Variants in ZFHX4 observed in about 807,000 individuals in gnomAD.
ZFHX4 encodes the protein zinc finger homeobox 4, also known as zinc finger homeobox protein 4.
A neutral mutation model predicts 267.6 loss-of-function variants in ZFHX4; 56 were observed. The observed-to-expected ratio is 0.21, with a 90% CI of 0.17 to 0.26. The LOEUF is 0.26. ZFHX4 is among the 10% of genes least tolerant of loss of function. ZFHX4 has a pLI of 1.00. For missense variants in ZFHX4, 4,332 were observed against 4,420.0 expected, an observed-to-expected ratio of 0.98 and a Z score of 0.56; for synonymous variants, 1,778 against 1,665.6, an observed-to-expected ratio of 1.07 and a Z score of -1.64.
chr8:76,764,920 G>C (rs1241934005), intron 3 of ZFHX4, among the ~76,000 whole-genome samples: 1 of 152,146 alleles, frequency 6.6e-6, no homozygotes, highest in Admixed American at 6.6e-5. Flanking sequence ...TAACAACTCT[G>C]TTAACACCTC....
rs1222966556 is a variant in ZFHX4 at position 76,705,423 on chromosome 8, T to G, written c.1335T>G (p.Cys445Trp). 3.7e-6 allele frequency: 6 copies of G among 1,613,694 alleles called. No homozygotes were observed. In the South Asian group the frequency reaches 6.6e-5, roughly 18 times the overall value. The stretch of plus-strand genomic sequence containing the variant: ...AGAGCAAAGACCAAGAGAACAACTG[T>G]GAAAGGCCAAAAGAAAGCAACGTTT... ...MSESKDQENN[C>W]ERPKESNVLH... is the part of the protein sequence containing the mutation. Residue 445 changes from cysteine to tryptophan, a missense_variant, in exon 2 of 11, where the codon TGT (cysteine) becomes TGG (tryptophan). Cys to Trp is a radical substitution (Grantham distance 215). Transcript: ENST00000651372.
rs1808221996 is a variant in ZFHX4 at position 76,705,253 on chromosome 8, T to G, written c.1165T>G (p.Ser389Ala). 6.2e-7 allele frequency: 1 copy of G among 1,613,884 alleles called. No individual in the cohort carries two copies. The highest frequency in any genetic ancestry group is 1.3e-5 in the African/African-American group (1 of 74,924). The change falls in exon 2 of 11, where the codon TCG (serine) becomes GCG (alanine). Residue 389 changes from serine to alanine, a missense_variant. This residue lies in a region of ZFHX4 where 1,195 missense variants were observed against 1,173.6 expected (regional missense o/e 1.02). Coordinates refer to ENST00000651372, the MANE Select transcript of ZFHX4 (RefSeq NM_024721.5). ...FAFLKGSAST[S>A]SSAEQPLGIT... Reference sequence around the variant, plus strand: ...CTTCTTAAAAGGAAGCGCGAGCACCTCGAGCTCAGCAGAGCAGCCGCTGGG... The same window carrying G: ...CTTCTTAAAAGGAAGCGCGAGCACCGCGAGCTCAGCAGAGCAGCCGCTGGG...
chr8:76,852,603 C>T lies in ZFHX4; in HGVS notation c.5682C>T (p.Ser1894=). The change falls in exon 10 of 11, where the codon TCC becomes TCT. Residue 1894 remains serine (S), a synonymous_variant. Coordinates refer to ENST00000651372, the MANE Select transcript of ZFHX4 (RefSeq NM_024721.5). ...AGAAGCAAAAATCCTTGGAACCATC[C>T]ATCCCACCACCCCGAATAGCTTCAG... is the stretch of plus-strand genomic sequence containing the variant. ...DTKKQKSLEP[S]IPPPRIASGA... 1 of 1,612,242 alleles carries T rather than the reference C, an allele frequency of 6.2e-7. No homozygotes were observed.
intron 3 of ZFHX4, among the ~76,000 whole-genome samples, chr8:76,735,396 C>T (rs1168283287): frequency 6.6e-6 from 1 of 152,052 alleles, no homozygotes; most frequent in African/African-American, 2.4e-5. Flanking sequence ...GAAAAAAGCT[C>T]ATCTTTTCTA....
chr8:76,700,444 G>A (rs766327080), intron 1 of ZFHX4, among the ~76,000 whole-genome samples: 1 of 152,104 alleles, frequency 6.6e-6, no homozygotes, highest in Non-Finnish European at 1.5e-5. Flanking sequence ...GGTAAAACTG[G>A]CCTCTCTGAT....
intron 3 of ZFHX4, among the ~76,000 whole-genome samples, chr8:76,720,628 G>C (rs1808695506): frequency 6.6e-6 from 1 of 151,946 alleles, no homozygotes; most frequent in Non-Finnish European, 1.5e-5. Context: ...CTTCTCCCCT[G>C]TCCTTTAAAG....
chr8:76,840,332 T>G (rs1046055028), intron 5 of ZFHX4, among the ~76,000 whole-genome samples: 1 of 152,172 alleles, frequency 6.6e-6, no homozygotes, highest in Admixed American at 6.5e-5. Context: ...GGAGCGTCTA[T>G]CCCACAATCT....
intron 3 of ZFHX4, among the ~76,000 whole-genome samples, chr8:76,752,311 A>C (rs1323819788): frequency 6.6e-6 from 1 of 151,702 alleles, no homozygotes; most frequent in East Asian, 1.9e-4. Context: ...TTTTAAAAAA[A>C]ATTAACAGTG....
chr8:76,841,959 A>T (rs1812244955), intron 5 of ZFHX4, among the ~76,000 whole-genome samples: 1 of 152,202 alleles, frequency 6.6e-6, no homozygotes, highest in African/African-American at 2.4e-5. Flanking sequence ...GCAGTGGCAT[A>T]GCTAAGATTT....
At chr8:76,775,165 C>G (rs947851999) in intron 3 of ZFHX4, among the ~76,000 whole-genome samples, 1 of 152,072 alleles carries the variant, frequency 6.6e-6, no homozygotes, top group African/African-American at 2.4e-5. Context: ...TGCAAAGATC[C>G]ATGGAAGAAA....
At chr8:76,715,700 C>T (rs1808553398) in intron 3 of ZFHX4, among the ~76,000 whole-genome samples, 1 of 151,764 alleles carries the variant, frequency 6.6e-6, no homozygotes, top group African/African-American at 2.4e-5. Context: ...GTTGTTGTGA[C>T]CATATTTTAT....
At chr8:76,775,704 G>A (rs1031063340) in intron 3 of ZFHX4, among the ~76,000 whole-genome samples, 6 of 152,112 alleles carry the variant, frequency 3.9e-5, no homozygotes, top group African/African-American at 1.4e-4. Context: ...AGAGAAGGCA[G>A]TTTTTGTGTT....
intron 3 of ZFHX4, among the ~76,000 whole-genome samples, chr8:76,710,984 A>G (rs1406300199): frequency 5.3e-5 from 8 of 152,180 alleles, no homozygotes; most frequent in African/African-American, 1.9e-4. Context: ...GATGTATGCT[A>G]GTAAAAAATA....
chr8:76,852,501 T>C lies in ZFHX4; in HGVS notation c.5580T>C (p.Asp1860=), dbSNP rs187225479. ...KDVPSYKEAE[D]ISEKPEKPKQ... is the part of the protein sequence containing the mutation. The stretch of plus-strand genomic sequence containing the variant: ...TGCCATCTTATAAGGAGGCAGAAGA[T>C]ATTTCTGAAAAGCCAGAAAAACCAA... The change falls in exon 10 of 11, where the codon GAT becomes GAC. Residue 1860 remains aspartate, a synonymous_variant. Coordinates refer to ENST00000651372, the MANE Select transcript of ZFHX4 (RefSeq NM_024721.5). The C allele has an allele frequency of 3.4e-4, 541 of 1,601,860 alleles. 1 individual carries two copies. In the African/African-American group the frequency reaches 6.0e-3, roughly 18 times the overall value.
chr8:76,849,771 A>T, intron 8 of ZFHX4, 59 bp downstream of exon 8: 1 of 1,473,204 alleles, frequency 6.8e-7, no homozygotes, highest in Non-Finnish European at 9.4e-7. Flanking sequence ...ATATCAATAT[A>T]AAATCTGTAA....
rs531934811 is a variant in ZFHX4 at position 76,855,881 on chromosome 8, T to G, written c.8960T>G (p.Phe2987Cys). The G allele has an allele frequency of 1.1e-5, 17 of 1,613,652 alleles. No homozygotes were observed. Among genetic ancestry groups the G allele is most frequent in the Non-Finnish European group, 1.4e-5 (16 of 1,179,804 alleles). ...AATGCAAGGGCAAAGGAAAAGAAAT[T>G]TAAAATTAACATAGGGAAGCCTTTC... The part of the protein sequence containing the change: ...FQNARAKEKK[F>C]KINIGKPFMI... The change falls in exon 10 of 11, where the codon TTT becomes TGT. Residue 2987 changes from phenylalanine to cysteine, a missense_variant. Physicochemically the swap from Phe to Cys is radical, Grantham distance 205. Transcript: ENST00000651372.
intron 4 of ZFHX4, among the ~76,000 whole-genome samples, chr8:76,794,873 TTGTGTGTGTGTGTGTG>T (rs71277761): frequency 5.6e-5 from 8 of 143,098 alleles, no homozygotes; most frequent in South Asian, 2.3e-4. Context: ...TGGCCTGTCA[TTGTGTGTGTGTGTGTG>T]TGTGTGTGTG....
chr8:76,840,610 G>A (rs1812209728), intron 5 of ZFHX4, among the ~76,000 whole-genome samples: 1 of 151,966 alleles, frequency 6.6e-6, no homozygotes, highest in African/African-American at 2.4e-5. Flanking sequence ...AGTGTGAGTT[G>A]CCATAGCCCT....
At chr8:76,737,661 A>G (rs1809201377) in intron 3 of ZFHX4, among the ~76,000 whole-genome samples, 1 of 152,210 alleles carries the variant, frequency 6.6e-6, no homozygotes, top group Non-Finnish European at 1.5e-5. Context: ...TGTGAGGATT[A>G]CATATGATAA....
Sources: allele counts gnomAD v4.1 joint callset (sites outside exome capture counted in the v4.1 genomes callset), GRCh38; gene constraint gnomAD v4.1.1; regional missense constraint gnomAD v4.1.1; transcripts MANE v1.5; gene names NCBI Gene and HGNC (gene_info 2026-07-23, HGNC 2026-07-21).